Variants in RAB22A observed in about 807,000 individuals in gnomAD.
RAB22A encodes RAB22A, member RAS oncogene family, also known as ras-related protein Rab-22A.
Under a neutral mutation model 30.2 loss-of-function variants are expected in RAB22A, and 13 were observed. That is an observed-to-expected ratio of 0.43 (90% confidence interval 0.28 to 0.68). RAB22A has a LOEUF of 0.68. Ranked by LOEUF, RAB22A falls within the 30% of genes least tolerant of loss-of-function variation. The probability of loss-of-function intolerance (pLI) is 0.18; values close to 1 mark genes in which losing one functional copy is unlikely to be tolerated. For missense variants in RAB22A, 177 were observed against 246.8 expected (o/e 0.72, Z 1.89); for synonymous variants, 89 against 87.2 (o/e 1.02, Z -0.11).
chr20:58,312,312 G>A (rs1986243329), intron 2 of RAB22A, among the ~76,000 whole-genome samples: 1 of 147,210 alleles, frequency 6.8e-6, no homozygotes, highest in Non-Finnish European at 1.5e-5. Flanking sequence ...AGGCTGGAGT[G>A]CAGTGGCACA....
chr20:58,349,628 A>G (rs537951233), intron 3 of RAB22A, among the ~76,000 whole-genome samples: 19 of 152,328 alleles, frequency 1.2e-4, no homozygotes, highest in South Asian at 6.2e-4. Flanking sequence ...GCTGTGTTAC[A>G]GGGGATCACT....
At chr20:58,323,466 AT>A (rs1986497529) in intron 2 of RAB22A, among the ~76,000 whole-genome samples, 1 of 151,982 alleles carries the variant, frequency 6.6e-6, no homozygotes, top group African/African-American at 2.4e-5. Flanking sequence ...TACTTATTCT[AT>A]GAGATCAGGT....
chr20:58,336,069 G>A (rs1986745854), intron 2 of RAB22A, among the ~76,000 whole-genome samples: 1 of 152,148 alleles, frequency 6.6e-6, no homozygotes, highest in Non-Finnish European at 1.5e-5. Flanking sequence ...GAGTGCAGTG[G>A]CACGATCTCA....
chr20:58,367,267 T>C lies in RAB22A; in HGVS notation c.*7564T>C, dbSNP rs1460070373. 6.6e-6 allele frequency: 1 copy of C among 152,266 alleles called. No homozygotes were observed. The highest frequency in any genetic ancestry group is 2.4e-5 in the African/African-American group (1 of 41,448). The allele number at this position is 152,266 out of a possible 1,614,324, so 9.4% of individuals were successfully genotyped here. A position where few individuals can be genotyped will look rare whatever the true frequency, so the allele number is the denominator to read the frequency against. The stretch of plus-strand genomic sequence containing the variant: ...TAAACCATATGATGCCTGTATTGTT[T>C]ATAGATGCTGACAAAAGAAAACTAG... On this transcript the variant is annotated 3_prime_UTR_variant, in exon 7 of 7. Transcript: ENST00000244040.
chr20:58,356,821 C>G (rs1219722369), intron 6 of RAB22A, among the ~76,000 whole-genome samples: 1 of 152,174 alleles, frequency 6.6e-6, no homozygotes, highest in African/African-American at 2.4e-5. Context: ...ATGATCCACT[C>G]TCATGGCTGG....
At chr20:58,311,911 A>G (rs1406673878) in intron 2 of RAB22A, among the ~76,000 whole-genome samples, 1 of 152,206 alleles carries the variant, frequency 6.6e-6, no homozygotes, top group Admixed American at 6.5e-5. Flanking sequence ...AGAAACTGCC[A>G]TAAGATTGTC....
At chr20:58,354,118 A>G in intron 5 of RAB22A, 38 bp from the exon 6 acceptor site, 2 of 1,481,492 alleles carry the variant, frequency 1.3e-6, no homozygotes, top group East Asian at 2.3e-5. Flanking sequence ...TAAGATCTTC[A>G]TGGGTAGAAT....
intron 6 of RAB22A, among the ~76,000 whole-genome samples, chr20:58,357,251 G>A (rs796920184): frequency 1.7e-4 from 26 of 152,244 alleles, no homozygotes; most frequent in African/African-American, 5.5e-4. Flanking sequence ...TACATTTGTC[G>A]TATCTACATA....
chr20:58,327,985 C>A (rs567711047), intron 2 of RAB22A, among the ~76,000 whole-genome samples: 1 of 152,114 alleles, frequency 6.6e-6, no homozygotes, highest in Non-Finnish European at 1.5e-5. Flanking sequence ...ATTGGCAGAA[C>A]GCAAATGGGT....
At chr20:58,316,862 G>C (rs959783789) in intron 2 of RAB22A, among the ~76,000 whole-genome samples, 9 of 152,234 alleles carry the variant, frequency 5.9e-5, no homozygotes, top group African/African-American at 2.2e-4. Context: ...AGGTACTCAA[G>C]CCAGCAACCT....
chr20:58,322,822 C>T (rs1986486255), intron 2 of RAB22A, among the ~76,000 whole-genome samples: 1 of 109,122 alleles, frequency 9.2e-6, no homozygotes, highest in Non-Finnish European at 1.8e-5. Context: ...TCAAAGAGAC[C>T]ATTAGTCTTT....
At chr20:58,313,424 A>T (rs1986270745) in intron 2 of RAB22A, among the ~76,000 whole-genome samples, 1 of 151,900 alleles carries the variant, frequency 6.6e-6, no homozygotes, top group African/African-American at 2.4e-5. Context: ...CCTCTTCATG[A>T]GTTACCCTGT....
At chr20:58,349,295 C>T (rs1218279166) in intron 3 of RAB22A, among the ~76,000 whole-genome samples, 1 of 152,182 alleles carries the variant, frequency 6.6e-6, no homozygotes, top group Non-Finnish European at 1.5e-5. Context: ...TACAGCTTTT[C>T]CCCAGTGGGT....
At position 58,362,738 on chromosome 20, in the gene RAB22A, G is replaced by A. The variant is rs759913877; in HGVS notation, c.*3035G>A. ...GTGGTCAGAATAAGTTTTACACGAA[G>A]CAGGTGAAAGATTTAGTTCTTTTCA... On this transcript the variant is annotated 3_prime_UTR_variant, in exon 7 of 7. Transcript: ENST00000244040. 3.3e-5 allele frequency: 5 copies of A among 152,230 alleles called. No individual in the cohort carries two copies. The highest frequency in any genetic ancestry group is 4.4e-5 in the Non-Finnish European group (3 of 68,040). 9.4% of individuals were successfully genotyped at this position (152,230 alleles called of 1,614,324 possible). A position where few individuals can be genotyped will look rare whatever the true frequency, so the allele number is the denominator to read the frequency against.
At chr20:58,357,202 G>T (rs185481018) in intron 6 of RAB22A, among the ~76,000 whole-genome samples, 9 of 152,298 alleles carry the variant, frequency 5.9e-5, no homozygotes, top group Admixed American at 1.3e-4. Context: ...CCATTTTCAT[G>T]ACAGTTAATG....
At position 58,366,377 on chromosome 20, in the gene RAB22A, T is replaced by C. The variant is rs779814675; in HGVS notation, c.*6674T>C. On this transcript the variant is annotated 3_prime_UTR_variant, in exon 7 of 7. Transcript: ENST00000244040. ...TGATTAGTGGGCACAGAAATACAGT[T>C]AGATAGAAGGAATAGTTCCAGCATT... 6 of 152,170 alleles carry C rather than the reference T, an allele frequency of 3.9e-5. No homozygotes were observed. Among genetic ancestry groups the C allele is most frequent in the Non-Finnish European group, 7.4e-5 (5 of 68,020 alleles). The allele number at this position is 152,170 out of a possible 1,614,324, so 9.4% of individuals were successfully genotyped here. A position where few individuals can be genotyped will look rare whatever the true frequency, so the allele number is the denominator to read the frequency against.
Position 58,365,836 on chromosome 20 carries a change from T to G in RAB22A, c.*6133T>G, listed in dbSNP as rs910997542. ...GCCCCCACACCCGGCTAATATTTTT[T>G]GTATTTTTAGTAGAGACAGGGTTTC... On this transcript the variant is annotated 3_prime_UTR_variant, in exon 7 of 7. Transcript: ENST00000244040. 2.0e-5 allele frequency: 3 copies of G among 152,166 alleles called. No homozygotes were observed. The highest frequency in any genetic ancestry group is 7.2e-5 in the African/African-American group (3 of 41,422). The allele number at this position is 152,166 out of a possible 1,614,324, so 9.4% of individuals were successfully genotyped here.
chr20:58,360,535 C>G lies in RAB22A; in HGVS notation c.*832C>G, dbSNP rs1184203001. On this transcript the variant is annotated 3_prime_UTR_variant, in exon 7 of 7. Coordinates refer to ENST00000244040, the MANE Select transcript of RAB22A (RefSeq NM_020673.3). ...AAATGCTGTCAATTTTTTTTTAACC[C>G]AAGTATTTTGGTGGGGAAAAGCAAG... The G allele has an allele frequency of 6.6e-6, 1 of 152,224 alleles. No homozygotes were observed. Among genetic ancestry groups the G allele is most frequent in the Admixed American group, 6.6e-5 (1 of 15,250 alleles). 9.4% of individuals were successfully genotyped at this position (152,224 alleles called of 1,614,324 possible).
At chr20:58,336,672 T>G (rs1299096674) in intron 2 of RAB22A, among the ~76,000 whole-genome samples, 1 of 152,246 alleles carries the variant, frequency 6.6e-6, no homozygotes, top group Non-Finnish European at 1.5e-5. Context: ...ATGCAAATGG[T>G]ACATAGAAAT....
Sources: allele counts gnomAD v4.1 joint callset (sites outside exome capture counted in the v4.1 genomes callset), GRCh38; gene constraint gnomAD v4.1.1; transcripts MANE v1.5; gene names NCBI Gene and HGNC (gene_info 2026-07-23, HGNC 2026-07-21).